Variants in RUNDC3B observed in about 807,000 individuals in gnomAD.
RUNDC3B encodes the protein RUN domain-containing protein 3B.
Under a neutral mutation model 58.4 loss-of-function variants are expected in RUNDC3B, and 33 were observed. That is an observed-to-expected ratio of 0.56 (90% CI 0.43 to 0.75). RUNDC3B has a LOEUF of 0.75. RUNDC3B is among the 30% of genes least tolerant of loss of function. RUNDC3B has a pLI of 0.00. For missense variants in RUNDC3B, 501 were observed against 535.7 expected, an observed-to-expected ratio of 0.94 and a Z score of 0.64; for synonymous variants, 193 against 195.2, an observed-to-expected ratio of 0.99 and a Z score of 0.10.
chr7:87,683,838 C>A (rs528958327), intron 2 of RUNDC3B, among the ~76,000 whole-genome samples: 1 of 152,164 alleles, frequency 6.6e-6, no homozygotes, highest in South Asian at 2.1e-4. Flanking sequence ...AAACCTTCAA[C>A]GTGTAAAAAA....
chr7:87,726,904 A>G (rs1831267610), intron 4 of RUNDC3B, among the ~76,000 whole-genome samples: 1 of 152,134 alleles, frequency 6.6e-6, no homozygotes, highest in African/African-American at 2.4e-5. Context: ...TTATTGGTGT[A>G]TAAGAATGCT....
intron 8 of RUNDC3B, among the ~76,000 whole-genome samples, chr7:87,783,296 A>G (rs1584196828): frequency 6.6e-6 from 1 of 152,056 alleles, no homozygotes. Flanking sequence ...TCTTTAAAGT[A>G]TGCTTTATCC....
intron 8 of RUNDC3B, among the ~76,000 whole-genome samples, chr7:87,794,586 C>T (rs372425956): frequency 8.0e-5 from 12 of 150,118 alleles, no homozygotes; most frequent in African/African-American, 2.9e-4. Flanking sequence ...AGATTCAATG[C>T]AATTCCTGTC....
At chr7:87,812,586 G>A (rs1001435162) in intron 9 of RUNDC3B, among the ~76,000 whole-genome samples, 2 of 152,114 alleles carry the variant, frequency 1.3e-5, no homozygotes, top group African/African-American at 4.8e-5. Flanking sequence ...TCTAGCCTGG[G>A]CAACAGAGTG....
chr7:87,770,899 A>G (rs960957774), intron 7 of RUNDC3B, 150 bp downstream of exon 7: 11 of 528,190 alleles, frequency 2.1e-5, no homozygotes, highest in Non-Finnish European at 3.2e-5. Flanking sequence ...ATGAAAAATC[A>G]GGCAACTGTA....
At chr7:87,821,928 C>T (rs1297774389) in intron 10 of RUNDC3B, among the ~76,000 whole-genome samples, 1 of 151,594 alleles carries the variant, frequency 6.6e-6, no homozygotes, top group Non-Finnish European at 1.5e-5. Flanking sequence ...GACCTGAAAC[C>T]ATAAAAACCC....
In RUNDC3B at chr7:87,650,945, C is replaced by G; in HGVS notation, c.238+8C>G. 1 of 1,443,680 alleles carries G rather than the reference C, an allele frequency of 6.9e-7. No individual in the cohort carries two copies. Among genetic ancestry groups the G allele is most frequent in the South Asian group, 1.2e-5 (1 of 86,786 alleles). The allele number at this position is 1,443,680 out of a possible 1,614,324, so 89.4% of individuals were successfully genotyped here. On this transcript the variant is annotated splice_region_variant and intron_variant, in intron 2 of 10. Transcript: ENST00000394654. ...TAAGCCACCGGCTAAAAGGTAAAAG[C>G]ACTAATGTACTATTTATTTTCCCAC...
chr7:87,673,005 C>T (rs893271325), intron 2 of RUNDC3B, among the ~76,000 whole-genome samples: 1 of 152,206 alleles, frequency 6.6e-6, no homozygotes, highest in East Asian at 1.9e-4. Flanking sequence ...GACTACTCCC[C>T]TGGAATTCCT....
At position 87,674,632 on chromosome 7, in the gene RUNDC3B, C is replaced by A. The variant is rs1419062992; in HGVS notation, c.238+23695C>A. ...GCCTTGGGGGTAAGCTGTGGGTGGG[C>A]TAGCATGTATTGGCAGGGGCTGGTC... On this transcript the variant is annotated intron_variant, in intron 2 of 10. Transcript: ENST00000394654. Among the ~76,000 whole-genome samples, 3 of 151,938 alleles carry A rather than the reference C, an allele frequency of 2.0e-5. No homozygotes were observed. The East Asian group carries it at 5.8e-4, about 29-fold the overall frequency.
chr7:87,730,845 G>A (rs1584031201), intron 4 of RUNDC3B, among the ~76,000 whole-genome samples: 1 of 152,086 alleles, frequency 6.6e-6, no homozygotes, highest in East Asian at 1.9e-4. Context: ...CATACCCCAG[G>A]TCCAGGCAGC....
intron 3 of RUNDC3B, among the ~76,000 whole-genome samples, chr7:87,701,723 T>C (rs1476556335): frequency 6.6e-6 from 1 of 152,180 alleles, no homozygotes; most frequent in Non-Finnish European, 1.5e-5. Context: ...TTTCCAACCA[T>C]ATATCTGTGT....
intron 9 of RUNDC3B, among the ~76,000 whole-genome samples, chr7:87,810,431 T>C (rs1836653181): frequency 6.6e-6 from 1 of 152,194 alleles, no homozygotes; most frequent in South Asian, 2.1e-4. Flanking sequence ...GAAACCTGGC[T>C]GTTTGTTACA....
chr7:87,765,251 C>G (rs1438701417), intron 6 of RUNDC3B, among the ~76,000 whole-genome samples: 1 of 151,482 alleles, frequency 6.6e-6, no homozygotes, highest in African/African-American at 2.4e-5. Flanking sequence ...ACCAACTTTT[C>G]ATTTAACTGA....
At chr7:87,750,334 A>C (rs2130829760) in intron 6 of RUNDC3B, among the ~76,000 whole-genome samples, 1 of 151,828 alleles carries the variant, frequency 6.6e-6, no homozygotes, top group East Asian at 1.9e-4. Context: ...TGCCGCAATA[A>C]ACATACGTGT....
At chr7:87,772,105 G>A (rs1186178957) in intron 7 of RUNDC3B, among the ~76,000 whole-genome samples, 2 of 151,960 alleles carry the variant, frequency 1.3e-5, no homozygotes, top group Non-Finnish European at 2.9e-5. Context: ...GTAAATGACT[G>A]TAAGAACATA....
intron 1 of RUNDC3B, among the ~76,000 whole-genome samples, chr7:87,629,570 C>G (rs972973139): frequency 2.0e-5 from 3 of 152,124 alleles, no homozygotes; most frequent in African/African-American, 7.2e-5. Context: ...GCCTGCCTTT[C>G]CTTAATGCTT....
chr7:87,829,765 C>A, intron 10 of RUNDC3B, 120 bp from the exon 11 acceptor site: 1 of 648,306 alleles, frequency 1.5e-6, no homozygotes, highest in Non-Finnish European at 2.6e-6. Flanking sequence ...CTGTAGGTTT[C>A]TTTGGGCAGT....
intron 2 of RUNDC3B, among the ~76,000 whole-genome samples, chr7:87,652,410 C>G (rs985926838): frequency 7.2e-5 from 11 of 151,972 alleles, no homozygotes; most frequent in African/African-American, 2.7e-4. Context: ...AGATCACACC[C>G]CTTCAGAATT....
intron 10 of RUNDC3B, among the ~76,000 whole-genome samples, 176 bp from the exon 11 acceptor site, chr7:87,829,709 G>C (rs1183960908): frequency 6.6e-6 from 1 of 152,020 alleles, no homozygotes. Context: ...TGTGAAAAAT[G>C]ATGTTGGTAC....
Sources: gnomAD v4.1 joint callset for allele counts (sites outside exome capture counted in the v4.1 genomes callset) on GRCh38, gnomAD v4.1.1 for gene constraint, MANE v1.5 for transcripts, NCBI Gene and HGNC (gene_info 2026-07-23, HGNC 2026-07-21) for gene names.